Variants in PEBP4 observed in about 807,000 individuals in gnomAD.
PEBP4 encodes the protein phosphatidylethanolamine-binding protein 4.
PEBP4 carries 22 observed loss-of-function variants against 23.9 expected under a neutral mutation model. That is an observed-to-expected ratio of 0.92 (90% confidence interval 0.66 to 1.31). The LOEUF (loss-of-function observed/expected upper bound fraction) is 1.31. Among genes scored for constraint, PEBP4 ranks in the 40% most tolerant of loss-of-function variants. The pLI is 0.00. For synonymous variants in PEBP4, 112 were observed against 99.3 expected (o/e 1.13, Z -0.76); for missense variants, 324 against 281.7 (o/e 1.15, Z -1.07).
chr8:22,718,970 G>T (rs143436138), intron 6 of PEBP4, among the ~76,000 whole-genome samples: 177 of 152,246 alleles, frequency 1.2e-3, no homozygotes, highest in African/African-American at 4.0e-3. Flanking sequence ...TGCTGCCCTT[G>T]GCCCCATGAT....
chr8:22,747,011 T>A (rs1585250568), intron 4 of PEBP4, among the ~76,000 whole-genome samples: 2 of 145,462 alleles, frequency 1.4e-5, no homozygotes, highest in East Asian at 4.0e-4. Flanking sequence ...ATTTTAAAAT[T>A]TTTTTAGAGA....
chr8:22,939,190 A>G (rs181647819), intron 1 of PEBP4, among the ~76,000 whole-genome samples: 51 of 152,342 alleles, frequency 3.3e-4, no homozygotes, highest in African/African-American at 1.2e-3. Context: ...CAGGCAAGCA[A>G]CAAGAGAATG....
chr8:22,727,242 G>T (rs2128748895), intron 4 of PEBP4, 22 bp from the exon 5 acceptor site: 2 of 1,612,352 alleles, frequency 1.2e-6, no homozygotes, highest in Non-Finnish European at 1.7e-6. Context: ...GACAAGCAGG[G>T]CTGTAGGTTA....
chr8:22,924,829 G>C lies in PEBP4; in HGVS notation c.131+2755C>G, dbSNP rs777821112. The C allele has an allele frequency of 8.1e-6, 8 of 985,238 alleles. No individual in the cohort carries two copies. In the African/African-American group the frequency reaches 1.2e-4, roughly 15 times the overall value. The allele number at this position is 985,238 out of a possible 1,614,324, so 61.0% of individuals were successfully genotyped here. ...GTCGGTGGTTTTGCTGGTCTTGTCT[G>C]GGGTATCTCAGAAGCAGGGAAGGTC... is the stretch of plus-strand genomic sequence containing the variant. On this transcript the variant is annotated intron_variant, in intron 2 of 6. Coordinates refer to ENST00000256404, the MANE Select transcript of PEBP4 (RefSeq NM_144962.3).
At chr8:22,789,689 G>T (rs1350407041) in intron 4 of PEBP4, among the ~76,000 whole-genome samples, 1 of 152,208 alleles carries the variant, frequency 6.6e-6, no homozygotes, top group Non-Finnish European at 1.5e-5. Context: ...AGGGAAATCA[G>T]TCTCTGGGTG....
chr8:22,713,607 A>G (rs1397736284), intron 6 of PEBP4, 71 bp from the exon 7 acceptor site: 1 of 1,603,908 alleles, frequency 6.2e-7, no homozygotes, highest in Admixed American at 1.7e-5. Flanking sequence ...CAGGGGCCTG[A>G]GAGGGAGGCC....
At chr8:22,833,095 C>T (rs539151371) in intron 3 of PEBP4, among the ~76,000 whole-genome samples, 16 of 152,232 alleles carry the variant, frequency 1.1e-4, no homozygotes, top group Non-Finnish European at 1.9e-4. Flanking sequence ...ATGCTTCCCC[C>T]GTATTCCCTC....
intron 3 of PEBP4, among the ~76,000 whole-genome samples, chr8:22,835,329 T>C (rs1807179369): frequency 6.6e-6 from 1 of 152,122 alleles, no homozygotes; most frequent in Non-Finnish European, 1.5e-5. Flanking sequence ...CATCAGCAAT[T>C]TTTTCCACCG....
intron 3 of PEBP4, among the ~76,000 whole-genome samples, chr8:22,866,354 T>A (rs908123767): frequency 1.3e-5 from 2 of 152,200 alleles, no homozygotes; most frequent in East Asian, 3.8e-4. Context: ...ATGCCTGTTT[T>A]GTACCCAGCA....
Position 22,751,182 on chromosome 8 carries a change from G to A in PEBP4, c.358-23962C>T, listed in dbSNP as rs1475104162. Among the ~76,000 whole-genome samples, 5 of 152,182 alleles carry A rather than the reference G, an allele frequency of 3.3e-5. No individual in the cohort carries two copies. The East Asian group carries it at 9.6e-4, about 29-fold the overall frequency. The stretch of plus-strand genomic sequence containing the variant: ...CTCCAAGGTCAAGCCCCGTGCTTCT[G>A]GATAGGGTTGGGGCTGGCAAGGGTG... On this transcript the variant is annotated intron_variant, in intron 4 of 6. Transcript: ENST00000256404.
At chr8:22,793,697 T>A (rs554618367) in intron 4 of PEBP4, among the ~76,000 whole-genome samples, 2 of 152,332 alleles carry the variant, frequency 1.3e-5, no homozygotes, top group East Asian at 3.9e-4. Context: ...GCATTGTGGA[T>A]GAATTTTTGC....
chr8:22,912,321 C>G (rs959879735), intron 3 of PEBP4, among the ~76,000 whole-genome samples: 6 of 152,316 alleles, frequency 3.9e-5, no homozygotes, highest in Non-Finnish European at 1.5e-5. Context: ...GGGGTGCGTT[C>G]TGTGTGTATC....
chr8:22,861,072 T>G (rs1421582544), intron 3 of PEBP4, among the ~76,000 whole-genome samples: 1 of 152,250 alleles, frequency 6.6e-6, no homozygotes, highest in African/African-American at 2.4e-5. Flanking sequence ...ACGTAGAGCT[T>G]CTTGACTTCT....
intron 2 of PEBP4, among the ~76,000 whole-genome samples, chr8:22,921,035 A>G (rs1809188872): frequency 6.6e-6 from 1 of 152,244 alleles, no homozygotes; most frequent in South Asian, 2.1e-4. Flanking sequence ...AGGGAAGAAA[A>G]TATGATGCAG....
intron 4 of PEBP4, among the ~76,000 whole-genome samples, chr8:22,759,074 C>G (rs1805449514): frequency 6.6e-6 from 1 of 152,148 alleles, no homozygotes; most frequent in African/African-American, 2.4e-5. Flanking sequence ...ATGGGCTCTG[C>G]TGGCCTTGGG....
At chr8:22,789,456 G>A (rs28523850) in intron 4 of PEBP4, among the ~76,000 whole-genome samples, 2,849 of 152,200 alleles carry the variant, frequency 0.019, 79 homozygotes, top group African/African-American at 0.065. Flanking sequence ...ATGCTGGTAC[G>A]TTTGCCACCC....
chr8:22,725,004 C>A (rs373254528), intron 5 of PEBP4, 48 bp from the exon 6 acceptor site: 26 of 1,503,482 alleles, frequency 1.7e-5, no homozygotes, highest in Non-Finnish European at 2.4e-5. Flanking sequence ...CCCATACTAC[C>A]GAGGGCAGAG....
At chr8:22,931,207 C>G (rs1168442768), upstream of PEBP4, among the ~76,000 whole-genome samples, 1 of 152,142 alleles carries the variant, frequency 6.6e-6, no homozygotes, top group Non-Finnish European at 1.5e-5. Context: ...CCCCTGAATT[C>G]TTTTCATTGA....
intron 4 of PEBP4, among the ~76,000 whole-genome samples, chr8:22,753,421 G>A (rs1332895190): frequency 6.6e-6 from 1 of 152,204 alleles, no homozygotes; most frequent in Non-Finnish European, 1.5e-5. Context: ...GGACAGATTT[G>A]TGCCTCAAAC....
Sources: allele counts gnomAD v4.1 joint callset (sites outside exome capture counted in the v4.1 genomes callset), GRCh38; gene constraint gnomAD v4.1.1; transcripts MANE v1.5; gene names NCBI Gene and HGNC (gene_info 2026-07-23, HGNC 2026-07-21).